Variants in SH3BP5L observed in about 807,000 individuals in gnomAD.
SH3BP5L encodes the protein SH3 binding domain protein 5 like.
SH3BP5L carries 16 observed loss-of-function variants against 40.9 expected under a neutral mutation model. That is an observed-to-expected ratio of 0.39 (90% CI 0.27 to 0.59). The LOEUF (loss-of-function observed/expected upper bound fraction) is 0.59, where lower values mean the gene tolerates loss of function less well. Among genes scored for constraint, SH3BP5L ranks in the 20% least tolerant of loss-of-function variants. The probability of loss-of-function intolerance (pLI) is 0.53; values close to 1 mark genes in which losing one functional copy is unlikely to be tolerated. For synonymous variants in SH3BP5L, 229 were observed against 226.7 expected (o/e 1.01, Z -0.09); for missense variants, 471 against 544.6 (o/e 0.86, Z 1.35).
In SH3BP5L at chr1:248,812,373, G is replaced by A. The variant is rs750707273; in HGVS notation, c.712-3C>T. ...TCTGTCACCTTGGCCTTGTGCTCCT[G>A]CAGAGGGCAGAGCAGAGCAAGGCGA... is the stretch of plus-strand genomic sequence containing the variant. On this transcript the variant is annotated splice_polypyrimidine_tract_variant and splice_region_variant and intron_variant, in intron 6 of 6. Transcript: ENST00000366472. The surrounding 1 kb of genome is among the most constrained non-coding windows in gnomAD (Gnocchi z 6.1). 19 of 1,601,984 alleles carry A rather than the reference G, an allele frequency of 1.2e-5. No individual in the cohort carries two copies. Among genetic ancestry groups the A allele is most frequent in the South Asian group, 2.2e-5 (2 of 90,996 alleles).
At chr1:248,823,447 A>AG (rs1343145286) in intron 2 of SH3BP5L, among the ~76,000 whole-genome samples, 2 of 152,226 alleles carry the variant, frequency 1.3e-5, no homozygotes, top group Admixed American at 1.3e-4. Flanking sequence ...ATGGGGTTGG[A>AG]GGTAGCGTGA....
In SH3BP5L at chr1:248,825,878, A is replaced by T; in HGVS notation, c.-475T>A. ...CCGCGGAGCTTCTATGCTGCAAACA[A>T]TCTCCCCCCCTCCCTCCCCGCAACA... On this transcript the variant is annotated 5_prime_UTR_variant, in exon 1 of 7. The change creates a new upstream start codon in the 5' untranslated region. Transcript: ENST00000366472. The T allele has an allele frequency of 1.1e-6, 1 of 909,796 alleles. No homozygotes were observed. The allele number at this position is 909,796 out of a possible 1,614,324, so 56.4% of individuals were successfully genotyped here. A position where few individuals can be genotyped will look rare whatever the true frequency, so the allele number is the denominator to read the frequency against.
rs1448893447 is a variant in SH3BP5L, at chr1:248,821,800, G to A, written c.183+2953C>T. Among the ~76,000 whole-genome samples, 1 of 152,180 alleles carries A rather than the reference G, an allele frequency of 6.6e-6. No homozygotes were observed. The highest frequency in any genetic ancestry group is 6.5e-5 in the Admixed American group (1 of 15,280). ...TCCCTGGAGGGACAGCACGCTCCAG[G>A]TAGGCACCAGCTGACTTCCTTCTAA... On this transcript the variant is annotated intron_variant, in intron 2 of 6. Coordinates refer to ENST00000366472, the MANE Select transcript of SH3BP5L (RefSeq NM_030645.3). The surrounding 1 kb of genome is among the most constrained non-coding windows in gnomAD (Gnocchi z 4.6).
intron 4 of SH3BP5L, 200 bp from the exon 5 acceptor site, chr1:248,814,810 T>C: frequency 1.4e-6 from 1 of 712,020 alleles, no homozygotes. Flanking sequence ...CTAGAAGAAA[T>C]AAAAATTTTG....
intron 4 of SH3BP5L, 197 bp downstream of exon 4, chr1:248,816,337 T>G: frequency 1.7e-6 from 1 of 584,232 alleles, no homozygotes; most frequent in East Asian, 3.0e-5. Flanking sequence ...ACCCTCACCA[T>G]TTTATAGACC....
chr1:248,824,828 A>G lies in SH3BP5L; in HGVS notation c.108T>C (p.Pro36=). 1 of 1,614,088 alleles carries G rather than the reference A, an allele frequency of 6.2e-7. No homozygotes were observed. Among genetic ancestry groups the G allele is most frequent in the Admixed American group, 1.7e-5 (1 of 60,022 alleles). ...CACTGCTGCTGCTTCCACCTCCTCC[A>G]GGCTCTTCTGCGACTGGGCTCCTAG... is the stretch of plus-strand genomic sequence containing the variant. ...EVPRSPVAEE[P]GGGGSSSSEA... is the part of the protein sequence containing the mutation. The change falls in exon 2 of 7, where the codon CCT becomes CCC. Residue 36 remains proline (P), a synonymous_variant. Transcript: ENST00000366472.
intron 2 of SH3BP5L, among the ~76,000 whole-genome samples, chr1:248,819,092 T>A (rs1347567778): frequency 6.6e-6 from 1 of 151,594 alleles, no homozygotes; most frequent in Non-Finnish European, 1.5e-5. Flanking sequence ...TCTTCTATCC[T>A]CCCCCCATCC....
At position 248,825,346 on chromosome 1, in the gene SH3BP5L, A is replaced by T; in HGVS notation, c.-411T>A. On this transcript the variant is annotated 5_prime_UTR_variant, in exon 2 of 7. Transcript: ENST00000366472. ...AAGGCTGGGCCCGAGCTGAGGCTGT[A>T]GGATGAGCGTCTCTGGGGAGCTGCA... The T allele has an allele frequency of 1.0e-6, 1 of 1,003,378 alleles. No homozygotes were observed. Among genetic ancestry groups the T allele is most frequent in the Non-Finnish European group, 1.2e-6 (1 of 841,240 alleles). 62.2% of individuals were successfully genotyped at this position (1,003,378 alleles called of 1,614,324 possible). A position where few individuals can be genotyped will look rare whatever the true frequency, so the allele number is the denominator to read the frequency against.
In SH3BP5L at chr1:248,811,833, G is replaced by A. The variant is rs77266156; in HGVS notation, c.*67C>T. 5.9e-6 allele frequency: 7 copies of A among 1,184,032 alleles called. No individual in the cohort carries two copies. The highest frequency in any genetic ancestry group is 1.5e-5 in the South Asian group (1 of 65,588). The allele number at this position is 1,184,032 out of a possible 1,614,324, so 73.3% of individuals were successfully genotyped here. A position where few individuals can be genotyped will look rare whatever the true frequency, so the allele number is the denominator to read the frequency against. ...AAGACGAGGCCCCAGAGGAGAGGGC[G>A]TGAGAAGACTGTGGGCCCCAACCGG... On this transcript the variant is annotated 3_prime_UTR_variant, in exon 7 of 7. Transcript: ENST00000366472.
Position 248,816,349 on chromosome 1 carries a change from T to C in SH3BP5L, c.375+185A>G, listed in dbSNP as rs528579499. 9.3e-5 allele frequency: 58 copies of C among 624,616 alleles called. 1 individual carries two copies. Among genetic ancestry groups the C allele is most frequent in the South Asian group, 8.2e-4 (42 of 51,068 alleles). The allele number at this position is 624,616 out of a possible 1,614,324, so 38.7% of individuals were successfully genotyped here. ...GCCACCCTCACCATTTTATAGACCA[T>C]AAGCCCAGAGCCCACGTGGTAAAGG... On this transcript the variant is annotated intron_variant, in intron 4 of 6. Coordinates refer to ENST00000366472, the MANE Select transcript of SH3BP5L (RefSeq NM_030645.3).
Position 248,825,330 on chromosome 1 carries a change from C to G in SH3BP5L, c.-395G>C, listed in dbSNP as rs764252658. 8.6e-4 allele frequency: 868 copies of G among 1,007,926 alleles called. No individual in the cohort carries two copies. Among genetic ancestry groups the G allele is most frequent in the Non-Finnish European group, 9.8e-4 (826 of 844,212 alleles). 62.4% of individuals were successfully genotyped at this position (1,007,926 alleles called of 1,614,324 possible). On this transcript the variant is annotated 5_prime_UTR_variant, in exon 2 of 7. Transcript: ENST00000366472. ...TGGCAGCTGGAGAGAGAAGGCTGGG[C>G]CCGAGCTGAGGCTGTAGGATGAGCG... is the stretch of plus-strand genomic sequence containing the variant.
intron 5 of SH3BP5L, chr1:248,814,230 G>C: frequency 5.1e-6 from 3 of 591,412 alleles, no homozygotes; most frequent in Non-Finnish European, 8.9e-6. Flanking sequence ...AAACGTTCAA[G>C]AAGAGCCCGG....
intron 1 of SH3BP5L, 88 bp from the exon 2 acceptor site, chr1:248,825,454 A>G (rs1664355830): frequency 3.3e-6 from 3 of 915,158 alleles, no homozygotes; most frequent in Non-Finnish European, 3.9e-6. Flanking sequence ...CCTCCCAAAA[A>G]CTACACTCTC....
rs14851 is a variant in SH3BP5L, at chr1:248,810,646, G to T, written c.*1254C>A. The T allele has an allele frequency of 0.015, 2,301 of 152,222 alleles. 59 individuals carry two copies. The highest frequency in any genetic ancestry group is 0.052 in the African/African-American group (2,172 of 41,498). 9.4% of individuals were successfully genotyped at this position (152,222 alleles called of 1,614,324 possible). A position where few individuals can be genotyped will look rare whatever the true frequency, so the allele number is the denominator to read the frequency against. ...CCCCGTGCAGAGTCCAGTTGCCCAC[G>T]CATCCCGGTTGCTGGCAGAACATGG... On this transcript the variant is annotated 3_prime_UTR_variant, in exon 7 of 7. Transcript: ENST00000366472.
chr1:248,824,997 C>T lies in SH3BP5L; in HGVS notation c.-62G>A. 9.8e-6 allele frequency: 15 copies of T among 1,528,872 alleles called. No homozygotes were observed. Among genetic ancestry groups the T allele is most frequent in the Non-Finnish European group, 7.0e-6 (8 of 1,143,288 alleles). The allele number at this position is 1,528,872 out of a possible 1,614,324, so 94.7% of individuals were successfully genotyped here. A position where few individuals can be genotyped will look rare whatever the true frequency, so the allele number is the denominator to read the frequency against. On this transcript the variant is annotated 5_prime_UTR_variant, in exon 2 of 7. Coordinates refer to ENST00000366472, the MANE Select transcript of SH3BP5L (RefSeq NM_030645.3). ...AGGACTGACATGCTGGGACCAGGGC[C>T]CCAGCTTGGGGCTTCCTGGGCTCTA...
Position 248,811,882 on chromosome 1 carries a change from G to C in SH3BP5L, c.*18C>G. The C allele has an allele frequency of 6.7e-7, 1 of 1,487,466 alleles. No homozygotes were observed. The highest frequency in any genetic ancestry group is 9.0e-7 in the Non-Finnish European group (1 of 1,112,308). 92.1% of individuals were successfully genotyped at this position (1,487,466 alleles called of 1,614,324 possible). ...GGCCCGTGGTGGCAGATTCAAGCCA[G>C]GAACCCTGGCCCCTCGGCTACAGGC... is the stretch of plus-strand genomic sequence containing the variant. On this transcript the variant is annotated 3_prime_UTR_variant, in exon 7 of 7. Coordinates refer to ENST00000366472, the MANE Select transcript of SH3BP5L (RefSeq NM_030645.3).
At chr1:248,816,769 G>A (rs1664118788) in intron 3 of SH3BP5L, 53 bp downstream of exon 3, 5 of 1,612,696 alleles carry the variant, frequency 3.1e-6, no homozygotes, top group Non-Finnish European at 3.4e-6. Flanking sequence ...GAAAGAGACA[G>A]ATGGAGATAC....
intron 2 of SH3BP5L, 138 bp downstream of exon 2, chr1:248,824,615 G>C (rs1299008255): frequency 3.7e-6 from 4 of 1,089,754 alleles, no homozygotes; most frequent in Non-Finnish European, 5.3e-6. Flanking sequence ...ACCCTGCAAT[G>C]ATTTGTTGAC....
At position 248,813,162 on chromosome 1, in the gene SH3BP5L, C is replaced by G. The variant is rs749631274; in HGVS notation, c.538G>C (p.Val180Leu). ...AGCCGCTCTTCCTCCGCCTCATTCA[C>G]CTGGCCCAGAGGACACATCACTGAG... Reference protein sequence around the residue: ...QEMLNHATCKVNEAEEERLRG... With the variant: ...QEMLNHATCKLNEAEEERLRG... The change falls in exon 6 of 7, where the codon GTG becomes CTG. Residue 180 changes from valine (V) to leucine (L), a missense_variant and splice_region_variant. Physicochemically the swap from Val to Leu is conservative, Grantham distance 32 (BLOSUM62 1). Transcript: ENST00000366472. 3 of 1,573,586 alleles carry G rather than the reference C, an allele frequency of 1.9e-6. No individual in the cohort carries two copies. Among genetic ancestry groups the G allele is most frequent in the Non-Finnish European group, 2.6e-6 (3 of 1,159,020 alleles).
Sources: allele counts gnomAD v4.1 joint callset (sites outside exome capture counted in the v4.1 genomes callset), GRCh38; gene constraint gnomAD v4.1.1; non-coding constraint Gnocchi (gnomAD v3.1); transcripts MANE v1.5; gene names NCBI Gene and HGNC (gene_info 2026-07-23, HGNC 2026-07-21).